Variants in PDE8B observed in about 807,000 individuals in gnomAD.
PDE8B encodes phosphodiesterase 8B.
PDE8B carries 26 observed loss-of-function variants against 101.3 expected under a neutral mutation model. The observed-to-expected ratio is 0.26, with a 90% CI of 0.19 to 0.36. The LOEUF (loss-of-function observed/expected upper bound fraction) is 0.36. PDE8B is among the 10% of genes least tolerant of loss of function. The pLI, the probability that PDE8B is intolerant of heterozygous loss-of-function variation, is 1.00. For synonymous variants in PDE8B, 424 were observed against 429.3 expected (o/e 0.99, Z 0.15); for missense variants, 810 against 1,163.1 (o/e 0.70, Z 4.42).
chr5:77,422,090 A>G, intron 20 of PDE8B, 102 bp downstream of exon 20: 1 of 1,223,584 alleles, frequency 8.2e-7, no homozygotes, highest in Non-Finnish European at 1.2e-6. Flanking sequence ...TTTACCAATT[A>G]GTTAACCACT....
At chr5:77,416,572 G>A (rs892300748) in intron 17 of PDE8B, among the ~76,000 whole-genome samples, 27 of 148,596 alleles carry the variant, frequency 1.8e-4, no homozygotes, top group Admixed American at 6.7e-5. Flanking sequence ...AGTAACTTCT[G>A]CTGTCCCTAT....
intron 1 of PDE8B, among the ~76,000 whole-genome samples, chr5:77,271,257 T>C (rs1002191984): frequency 1.3e-5 from 2 of 152,092 alleles, no homozygotes; most frequent in Non-Finnish European, 2.9e-5. Flanking sequence ...AAAACCTCCA[T>C]TTGAGAGCTG....
upstream of PDE8B, among the ~76,000 whole-genome samples, chr5:77,209,638 C>T (rs1747840208): frequency 6.6e-6 from 1 of 152,180 alleles, no homozygotes; most frequent in Non-Finnish European, 1.5e-5. Context: ...TCTTCCTCTC[C>T]TCCAGCACAG....
Position 77,327,982 on chromosome 5 carries a change from C to T in PDE8B, c.591-1016C>T, listed in dbSNP as rs1776370598. ...GGATGAAGCAATACGAGCTGGCTGT[C>T]CCTTGGGGAGTGGTAGTTCAAATAC... On this transcript the variant is annotated intron_variant, in intron 3 of 21. Coordinates refer to ENST00000264917, the MANE Select transcript of PDE8B (RefSeq NM_003719.5). Among the ~76,000 whole-genome samples the T allele has an allele frequency of 3.3e-5, 5 of 152,130 alleles. No homozygotes were observed. In the South Asian group the frequency reaches 1.0e-3, roughly 32 times the overall value.
At chr5:77,139,175 TGATG>T in the PDE8B span, 2 of 152,256 alleles carry the variant, frequency 1.3e-5, no homozygotes, top group African/African-American at 4.8e-5. Flanking sequence ...GTCTGTGGCA[TGATG>T]GTTGCTAAGC....
chr5:77,342,256 G>A (rs1323279787), intron 6 of PDE8B, among the ~76,000 whole-genome samples: 1 of 152,088 alleles, frequency 6.6e-6, no homozygotes, highest in African/African-American at 2.4e-5. Flanking sequence ...ATTGTCCCAA[G>A]CACTTCGAGA....
the PDE8B span, chr5:77,087,227 C>T: frequency 6.6e-6 from 1 of 152,282 alleles, no homozygotes; most frequent in South Asian, 2.1e-4. Context: ...CCGCGCGTGC[C>T]CCTTAAAGAC....
chr5:77,119,325 C>T, the PDE8B span: 1 of 152,102 alleles, frequency 6.6e-6, no homozygotes, highest in East Asian at 1.9e-4. Context: ...GATATTTGCC[C>T]AGCAGAAATG....
the PDE8B span, among the ~76,000 whole-genome samples, chr5:77,138,651 A>G: frequency 1.3e-5 from 2 of 152,230 alleles, no homozygotes; most frequent in African/African-American, 4.8e-5. Flanking sequence ...TGTTTTAGGA[A>G]GCCCCAGATG....
At chr5:77,231,985 G>A (rs1259086866) in intron 1 of PDE8B, among the ~76,000 whole-genome samples, 2 of 152,350 alleles carry the variant, frequency 1.3e-5, no homozygotes, top group South Asian at 2.1e-4. Flanking sequence ...TGTGCAGGCT[G>A]CACAGATCAG....
At chr5:77,320,809 T>A (rs1371305911) in intron 2 of PDE8B, among the ~76,000 whole-genome samples, 1 of 152,170 alleles carries the variant, frequency 6.6e-6, no homozygotes, top group African/African-American at 2.4e-5. Flanking sequence ...TTTATATGAG[T>A]TAATCATTTA....
At position 77,211,131 on chromosome 5, in the gene PDE8B, G is replaced by C. The variant is rs1334447564; in HGVS notation, c.206G>C (p.Arg69Thr). The change falls in exon 1 of 22, where the codon AGG becomes ACG. Residue 69 changes from arginine to threonine, a missense_variant. Physicochemically the swap from Arg to Thr is moderately conservative, Grantham distance 71 (BLOSUM62 -1). Around this residue, in one of 4 missense-constraint regions of PDE8B, gnomAD observed 159 missense variants for 146.6 expected, o/e 1.08. Coordinates refer to ENST00000264917, the MANE Select transcript of PDE8B (RefSeq NM_003719.5). This position sits in a 1 kb window ranked among gnomAD's most constrained non-coding sequence, Gnocchi z 4.1. ...SGPPSVARVR[R>T]ARTELGSGSS... The stretch of plus-strand genomic sequence containing the variant: ...CCCCCCAGCGTAGCCCGCGTCCGCA[G>C]GGCCCGCACCGAGCTGGGCAGCGGT... 1.3e-6 allele frequency: 2 copies of C among 1,516,230 alleles called. No homozygotes were observed. Among genetic ancestry groups the C allele is most frequent in the Non-Finnish European group, 1.8e-6 (2 of 1,139,106 alleles). The allele number at this position is 1,516,230 out of a possible 1,614,324, so 93.9% of individuals were successfully genotyped here. A position where few individuals can be genotyped will look rare whatever the true frequency, so the allele number is the denominator to read the frequency against.
In PDE8B at chr5:77,396,803, G is replaced by A. The variant is rs142997766; in HGVS notation, c.1168-3445G>A. Among the ~76,000 whole-genome samples the A allele has an allele frequency of 1.3e-4, 20 of 151,832 alleles. No individual in the cohort carries two copies. The East Asian group carries it at 3.9e-3, about 29-fold the overall frequency. On this transcript the variant is annotated intron_variant, in intron 10 of 21. Coordinates refer to ENST00000264917, the MANE Select transcript of PDE8B (RefSeq NM_003719.5). The stretch of plus-strand genomic sequence containing the variant: ...TCTTTCTTCACTTTCATGTAGAATT[G>A]TTTCTCTTATATTTAGTAGTTTTAA...
chr5:77,260,121 T>C (rs372555275), intron 1 of PDE8B, among the ~76,000 whole-genome samples: 16 of 140,086 alleles, frequency 1.1e-4, no homozygotes, highest in Admixed American at 9.4e-4. Flanking sequence ...CACGCCATTG[T>C]GCTCCAGCCT....
chr5:77,123,167 G>A, the PDE8B span, among the ~76,000 whole-genome samples: 1 of 152,126 alleles, frequency 6.6e-6, no homozygotes, highest in South Asian at 2.1e-4. Context: ...AGGTTGAGGG[G>A]GTGCATCTGG....
intron 6 of PDE8B, among the ~76,000 whole-genome samples, chr5:77,342,433 C>T (rs1779370631): frequency 6.6e-6 from 1 of 152,112 alleles, no homozygotes; most frequent in African/African-American, 2.4e-5. Context: ...GTTCTTTCTG[C>T]CTTCTTCCCT....
At chr5:77,266,279 A>G (rs1580681327) in intron 1 of PDE8B, among the ~76,000 whole-genome samples, 1 of 152,368 alleles carries the variant, frequency 6.6e-6, no homozygotes, top group Admixed American at 6.5e-5. Flanking sequence ...CTGAGATCGA[A>G]CAAGGGGATG....
At chr5:77,335,426 T>C (rs1777957103) in intron 5 of PDE8B, among the ~76,000 whole-genome samples, 1 of 152,086 alleles carries the variant, frequency 6.6e-6, no homozygotes, top group South Asian at 2.1e-4. Flanking sequence ...CCTTAGCTCT[T>C]CCCAGCTTCC....
chr5:77,204,778 T>C, the PDE8B span, among the ~76,000 whole-genome samples: 1 of 152,114 alleles, frequency 6.6e-6, no homozygotes, highest in Non-Finnish European at 1.5e-5. Context: ...CCAATGACCA[T>C]AACTACTATA....
Sources: allele counts gnomAD v4.1 joint callset (sites outside exome capture counted in the v4.1 genomes callset), GRCh38; gene constraint gnomAD v4.1.1; regional missense constraint gnomAD v4.1.1; non-coding constraint Gnocchi (gnomAD v3.1); transcripts MANE v1.5; gene names NCBI Gene and HGNC (gene_info 2026-07-23, HGNC 2026-07-21).